Variants in TEX14 observed in about 807,000 individuals in gnomAD.
The protein encoded by TEX14 is testis expressed 14, intercellular bridge forming factor, also known as inactive serine/threonine-protein kinase TEX14.
In TEX14, 168 loss-of-function variants were observed where a neutral mutation model predicts 178.6. The ratio of observed to expected loss-of-function variants is 0.94; its 90% CI spans 0.83 to 1.07. The LOEUF (loss-of-function observed/expected upper bound fraction) is 1.07, where lower values mean the gene tolerates loss of function less well. Among genes scored for constraint, TEX14 ranks in the 50% least tolerant of loss-of-function variants. The pLI is 0.00. For synonymous variants in TEX14, 626 were observed against 634.1 expected (o/e 0.99, Z 0.19); for missense variants, 1,730 against 1,753.6 (o/e 0.99, Z 0.24).
chr17:58,577,366 A>G lies in TEX14; in HGVS notation c.3320+9T>C, dbSNP rs772642456. The stretch of plus-strand genomic sequence containing the variant: ...GTTTGAAACTGCATAAGATAATAAT[A>G]GCCCATACCTTCGTACAGGTTGAAA... On this transcript the variant is annotated intron_variant, in intron 21 of 31. Transcript: ENST00000349033. 1.0e-5 allele frequency: 13 copies of G among 1,253,798 alleles called. No homozygotes were observed. The highest frequency in any genetic ancestry group is 1.4e-5 in the Non-Finnish European group (13 of 913,072). 77.7% of individuals were successfully genotyped at this position (1,253,798 alleles called of 1,614,324 possible).
chr17:58,652,352 T>G (rs1222853078), intron 1 of TEX14, among the ~76,000 whole-genome samples: 1 of 152,160 alleles, frequency 6.6e-6, no homozygotes, highest in Non-Finnish European at 1.5e-5. Context: ...GGGAGGTAAT[T>G]TAATCATGGT....
chr17:58,627,906 A>G (rs1355873489), intron 3 of TEX14, among the ~76,000 whole-genome samples: 1 of 140,492 alleles, frequency 7.1e-6, no homozygotes, highest in East Asian at 2.1e-4. Context: ...GCCAGCCCCC[A>G]TGCCACCTTT....
At chr17:58,605,186 C>A in intron 10 of TEX14, 57 bp from the exon 11 acceptor site, 2 of 1,531,420 alleles carry the variant, frequency 1.3e-6, no homozygotes, top group African/African-American at 2.8e-5. Flanking sequence ...TTTATTCATT[C>A]ATTCATTCAT....
At chr17:58,583,794 T>A (rs1476803784) in intron 19 of TEX14, among the ~76,000 whole-genome samples, 6 of 152,222 alleles carry the variant, frequency 3.9e-5, no homozygotes, top group Admixed American at 2.6e-4. Flanking sequence ...CGAGAAAGAA[T>A]AAGTTGATCT....
intron 10 of TEX14, among the ~76,000 whole-genome samples, chr17:58,606,055 A>C (rs2045599672): frequency 6.6e-6 from 1 of 152,148 alleles, no homozygotes; most frequent in South Asian, 2.1e-4. Flanking sequence ...CCTCATGATT[A>C]TTTCTTTTCT....
At chr17:58,606,950 G>A (rs956982298) in intron 10 of TEX14, among the ~76,000 whole-genome samples, 5 of 149,326 alleles carry the variant, frequency 3.3e-5, no homozygotes, top group Admixed American at 2.0e-4. Flanking sequence ...GCTTGAATCC[G>A]GGAGGCAGAG....
At position 58,569,048 on chromosome 17, in the gene TEX14, GGAAAACTGCCCCTTCCTATA is replaced by G; in HGVS notation, c.3886+124_3886+143del. Reference sequence around the variant, plus strand: ...GCAAAACTGCCCCTTCCTAAATTTTGGAAAACTGCCCCTTCCTATATTCAACCAGGCCATCATACAGCCTT... The same window carrying G: ...GCAAAACTGCCCCTTCCTAAATTTTGTTCAACCAGGCCATCATACAGCCTT... On this transcript the variant is annotated intron_variant, in intron 26 of 31. Coordinates refer to ENST00000349033, the MANE Select transcript of TEX14 (RefSeq NM_031272.5). The surrounding 1 kb of genome is among the most constrained non-coding windows in gnomAD (Gnocchi z 4.1). The G allele has an allele frequency of 1.8e-6, 1 of 566,082 alleles. No homozygotes were observed. 35.1% of individuals were successfully genotyped at this position (566,082 alleles called of 1,614,324 possible).
At chr17:58,641,291 T>A (rs55974757) in intron 2 of TEX14, among the ~76,000 whole-genome samples, 1 of 151,722 alleles carries the variant, frequency 6.6e-6, no homozygotes, top group Non-Finnish European at 1.5e-5. Flanking sequence ...ATGCCTGTAA[T>A]CCCAGCTACT....
chr17:58,647,519 G>T (rs775398848), intron 2 of TEX14, among the ~76,000 whole-genome samples: 50 of 150,564 alleles, frequency 3.3e-4, no homozygotes, highest in Non-Finnish European at 5.5e-4. Context: ...GCGACTGAGC[G>T]AGACTCCGTC....
chr17:58,593,767 C>T (rs905241964), intron 14 of TEX14, 106 bp from the exon 15 acceptor site: 2 of 893,784 alleles, frequency 2.2e-6, no homozygotes, highest in Non-Finnish European at 3.6e-6. Flanking sequence ...TAGAAATAAC[C>T]AGACCTACCA....
intron 17 of TEX14, among the ~76,000 whole-genome samples, chr17:58,587,238 G>A (rs958506224): frequency 6.6e-6 from 1 of 152,152 alleles, no homozygotes; most frequent in African/African-American, 2.4e-5. Context: ...TTTGCTTAAA[G>A]TCGTAGTTTG....
chr17:58,629,063 G>A (rs1567745446), intron 3 of TEX14, among the ~76,000 whole-genome samples: 1 of 152,124 alleles, frequency 6.6e-6, no homozygotes, highest in Non-Finnish European at 1.5e-5. Flanking sequence ...TCTGTTTAAT[G>A]GGAACTGAAA....
At chr17:58,657,162 G>T (rs1293306500) in intron 1 of TEX14, among the ~76,000 whole-genome samples, 2 of 151,522 alleles carry the variant, frequency 1.3e-5, no homozygotes, top group Non-Finnish European at 2.9e-5. Flanking sequence ...TAGAGATGAG[G>T]TCTCACTATG....
chr17:58,632,617 T>G (rs1025949761), intron 2 of TEX14, among the ~76,000 whole-genome samples: 1 of 152,196 alleles, frequency 6.6e-6, no homozygotes, highest in Non-Finnish European at 1.5e-5. Flanking sequence ...TGGTCCATTT[T>G]CAAGGCATAA....
chr17:58,648,281 T>G (rs2046759264), intron 2 of TEX14, among the ~76,000 whole-genome samples: 1 of 152,168 alleles, frequency 6.6e-6, no homozygotes. Flanking sequence ...CACAGGCCAG[T>G]GCTCTCTTCT....
chr17:58,660,181 G>A (rs1174078725), intron 1 of TEX14, among the ~76,000 whole-genome samples: 13 of 150,576 alleles, frequency 8.6e-5, no homozygotes, highest in Admixed American at 8.6e-4. Flanking sequence ...GAGGCGGGTA[G>A]ATCACCTGAG....
chr17:58,565,978 A>G (rs1272733671), intron 26 of TEX14, among the ~76,000 whole-genome samples, 154 bp from the exon 27 acceptor site: 2 of 152,240 alleles, frequency 1.3e-5, no homozygotes, highest in Non-Finnish European at 2.9e-5. Flanking sequence ...GCCTCATCTC[A>G]GACCTGCTGA....
In TEX14 at chr17:58,564,979, T is replaced by C. The variant is rs764998630; in HGVS notation, c.3965-11A>G. 3 of 1,523,692 alleles carry C rather than the reference T, an allele frequency of 2.0e-6. No individual in the cohort carries two copies. The highest frequency in any genetic ancestry group is 2.7e-6 in the Non-Finnish European group (3 of 1,114,986). The allele number at this position is 1,523,692 out of a possible 1,614,324, so 94.4% of individuals were successfully genotyped here. On this transcript the variant is annotated splice_polypyrimidine_tract_variant and intron_variant, in intron 27 of 31. Transcript: ENST00000349033. ...CTAAGTGCCTTTGATCTAAAAACAG[T>C]TGAAAGAATTAACTTTATTAGAACG...
intron 2 of TEX14, among the ~76,000 whole-genome samples, chr17:58,634,813 C>T (rs1323452313): frequency 6.6e-6 from 1 of 152,142 alleles, no homozygotes; most frequent in Non-Finnish European, 1.5e-5. Flanking sequence ...AAAGTGAATA[C>T]ATGCTTACCA....
Sources: gnomAD v4.1 joint callset for allele counts (sites outside exome capture counted in the v4.1 genomes callset) on GRCh38, gnomAD v4.1.1 for gene constraint, Gnocchi (gnomAD v3.1) non-coding constraint, MANE v1.5 for transcripts, NCBI Gene and HGNC (gene_info 2026-07-23, HGNC 2026-07-21) for gene names.